Variants in PHGR1 observed in about 807,000 individuals in gnomAD.
PHGR1 encodes the protein proline, histidine and glycine-rich protein 1.
A neutral mutation model predicts 4.9 loss-of-function variants in PHGR1; 3 were observed. That is an observed-to-expected ratio of 0.61 (90% confidence interval 0.28 to 1.58). The LOEUF is 1.58. Ranked by LOEUF, PHGR1 falls within the 40% of genes most tolerant of loss-of-function variation. The pLI is 0.11. For missense variants in PHGR1, 81 were observed against 118.7 expected, an observed-to-expected ratio of 0.68 and a Z score of 1.48; for synonymous variants, 32 against 46.1, an observed-to-expected ratio of 0.69 and a Z score of 1.24.
At chr15:40,352,868 C>T (rs1177164706) in intron 1 of PHGR1, among the ~76,000 whole-genome samples, 4 of 152,134 alleles carry the variant, frequency 2.6e-5, no homozygotes, top group African/African-American at 4.8e-5. Context: ...AGCAAATGAA[C>T]GGATATTGAA....
In PHGR1 at chr15:40,353,198, T is replaced by G. The variant is rs1458805631; in HGVS notation, c.-26-34T>G. On this transcript the variant is annotated intron_variant, in intron 1 of 3. Transcript: ENST00000448599. Reference sequence around the variant, plus strand: ...GAGAAAGGAAAGACTGCAATTTAGATTACAGTAAATTAAAAGTTACCTTTT... The same window carrying G: ...GAGAAAGGAAAGACTGCAATTTAGAGTACAGTAAATTAAAAGTTACCTTTT... 3.2e-6 allele frequency: 5 copies of G among 1,544,400 alleles called. No individual in the cohort carries two copies. The Admixed American group carries it at 9.9e-5, about 30-fold the overall frequency.
Position 40,356,391 on chromosome 15 carries a change from T to C in PHGR1, c.*88T>C. 6.5e-7 allele frequency: 1 copy of C among 1,542,228 alleles called. No individual in the cohort carries two copies. Among genetic ancestry groups the C allele is most frequent in the South Asian group, 1.2e-5 (1 of 83,606 alleles). On this transcript the variant is annotated 3_prime_UTR_variant, in exon 4 of 4. Coordinates refer to ENST00000448599, the MANE Select transcript of PHGR1 (RefSeq NM_001145643.2). ...ATGAGGCCTAAACCACAATCTTCTC[T>C]TCCTAATAAACAGCCTCCTAGAGGC...
chr15:40,352,420 G>A (rs1296513856), intron 1 of PHGR1, among the ~76,000 whole-genome samples: 1 of 152,150 alleles, frequency 6.6e-6, no homozygotes, highest in Non-Finnish European at 1.5e-5. Flanking sequence ...TGTACTGTAT[G>A]TTCACTGGGC....
At position 40,356,348 on chromosome 15, in the gene PHGR1, T is replaced by C. The variant is rs1349052515; in HGVS notation, c.*45T>C. The C allele has an allele frequency of 2.2e-5, 34 of 1,549,242 alleles. No individual in the cohort carries two copies. Among genetic ancestry groups the C allele is most frequent in the African/African-American group, 5.5e-5 (4 of 72,882 alleles). On this transcript the variant is annotated 3_prime_UTR_variant, in exon 4 of 4. Transcript: ENST00000448599. ...ACACAAGATGGCAAGCCTGAGAGAA[T>C]TGCCCAGCTGACCTGGAATGAGGCC...
In PHGR1 at chr15:40,356,398, T is replaced by A. The variant is rs899305084; in HGVS notation, c.*95T>A. On this transcript the variant is annotated 3_prime_UTR_variant, in exon 4 of 4. Coordinates refer to ENST00000448599, the MANE Select transcript of PHGR1 (RefSeq NM_001145643.2). The stretch of plus-strand genomic sequence containing the variant: ...CTAAACCACAATCTTCTCTTCCTAA[T>A]AAACAGCCTCCTAGAGGCCACATTC... 3 of 1,535,752 alleles carry A rather than the reference T, an allele frequency of 2.0e-6. No homozygotes were observed. The highest frequency in any genetic ancestry group is 2.6e-6 in the Non-Finnish European group (3 of 1,134,430).
rs1040220220 is a variant in PHGR1, at chr15:40,356,240, A to G, written c.186A>G (p.Pro62=). ...GCGGGCCACCCCCCCACCATGGTCC[A>G]GGGCCCTGCGGGCCTCCCCCTGGCC... ...GPCGPPPHHG[P]GPCGPPPGHG... Residue 62 remains proline, a synonymous_variant, in exon 4 of 4, where the codon CCA becomes CCG. Transcript: ENST00000448599. 1 of 1,526,376 alleles carries G rather than the reference A, an allele frequency of 6.6e-7. No individual in the cohort carries two copies. Among genetic ancestry groups the G allele is most frequent in the Non-Finnish European group, 8.8e-7 (1 of 1,135,590 alleles). 94.6% of individuals were successfully genotyped at this position (1,526,376 alleles called of 1,614,324 possible).
At chr15:40,355,332 C>G (rs1310267278) in intron 3 of PHGR1, among the ~76,000 whole-genome samples, 1 of 152,112 alleles carries the variant, frequency 6.6e-6, no homozygotes, top group Non-Finnish European at 1.5e-5. Context: ...CTGGCATCCG[C>G]TCAGGAACAG....
rs1395278291 is a variant in PHGR1, at chr15:40,356,250, G to A, written c.196G>A (p.Gly66Arg). ...CCCCCACCATGGTCCAGGGCCCTGC[G>A]GGCCTCCCCCTGGCCATGGCCCAGG... ...PPPHHGPGPCGPPPGHGPGHP... is the reference protein window; with the variant it reads ...PPPHHGPGPCRPPPGHGPGHP... The change falls in exon 4 of 4, where the codon GGG becomes AGG. Residue 66 changes from glycine to arginine, a missense_variant. Gly to Arg is a moderately radical substitution (Grantham distance 125). Coordinates refer to ENST00000448599, the MANE Select transcript of PHGR1 (RefSeq NM_001145643.2). 3 of 1,545,756 alleles carry A rather than the reference G, an allele frequency of 1.9e-6. No homozygotes were observed. Among genetic ancestry groups the A allele is most frequent in the Admixed American group, 2.0e-5 (1 of 50,606 alleles).
intron 1 of PHGR1, among the ~76,000 whole-genome samples, chr15:40,352,743 T>G (rs1175638596): frequency 6.6e-6 from 1 of 152,224 alleles, no homozygotes; most frequent in Non-Finnish European, 1.5e-5. Context: ...CTGGGCACAC[T>G]GATAGCTCCA....
intron 1 of PHGR1, among the ~76,000 whole-genome samples, chr15:40,352,434 T>G (rs1228000996): frequency 6.6e-6 from 1 of 152,050 alleles, no homozygotes; most frequent in Non-Finnish European, 1.5e-5. Flanking sequence ...ACTGGGCCCA[T>G]TCTGGGGTTG....
At chr15:40,352,943 T>G (rs1169851173) in intron 1 of PHGR1, among the ~76,000 whole-genome samples, 1 of 152,160 alleles carries the variant, frequency 6.6e-6, no homozygotes, top group African/African-American at 2.4e-5. Context: ...TGTAAGAGTA[T>G]GGGGTGTAGG....
rs2141255789 is a variant in PHGR1, at chr15:40,356,063, C to T, written c.19-10C>T. On this transcript the variant is annotated splice_polypyrimidine_tract_variant and intron_variant, in intron 3 of 3. Transcript: ENST00000448599. ...TCTGACTCTGACATTGTTCATTTGA[C>T]TTTCCACAGGGGCACTGCCACTGTG... 2 of 1,549,618 alleles carry T rather than the reference C, an allele frequency of 1.3e-6. No individual in the cohort carries two copies. The highest frequency in any genetic ancestry group is 1.7e-4 in the Middle Eastern group (1 of 5,988).
chr15:40,353,402 T>A, intron 2 of PHGR1, 135 bp downstream of exon 2: 1 of 1,119,378 alleles, frequency 8.9e-7, no homozygotes, highest in Non-Finnish European at 1.3e-6. Context: ...ATGAAGGCAG[T>A]GGTAGGGGTC....
chr15:40,352,159 C>T (rs371656203), intron 1 of PHGR1, among the ~76,000 whole-genome samples: 12 of 152,056 alleles, frequency 7.9e-5, no homozygotes, highest in African/African-American at 1.9e-4. Flanking sequence ...GCTGTGATCA[C>T]GCCACTGCAC....
chr15:40,352,570 C>G (rs1290207362), intron 1 of PHGR1, among the ~76,000 whole-genome samples: 3 of 152,142 alleles, frequency 2.0e-5, no homozygotes, highest in African/African-American at 7.2e-5. Flanking sequence ...TCCAAGCTCC[C>G]ACCCCCTTCC....
rs201751978 is a variant in PHGR1, at chr15:40,356,385, C to T, written c.*82C>T. 1.9e-6 allele frequency: 3 copies of T among 1,545,000 alleles called. No homozygotes were observed. The highest frequency in any genetic ancestry group is 4.9e-5 in the East Asian group (2 of 40,872). Reference sequence around the variant, plus strand: ...CCTGGAATGAGGCCTAAACCACAATCTTCTCTTCCTAATAAACAGCCTCCT... The same window carrying T: ...CCTGGAATGAGGCCTAAACCACAATTTTCTCTTCCTAATAAACAGCCTCCT... On this transcript the variant is annotated 3_prime_UTR_variant, in exon 4 of 4. Coordinates refer to ENST00000448599, the MANE Select transcript of PHGR1 (RefSeq NM_001145643.2).
intron 3 of PHGR1, among the ~76,000 whole-genome samples, chr15:40,355,024 CAGA>C (rs1889268565): frequency 6.6e-6 from 1 of 152,162 alleles, no homozygotes; most frequent in Non-Finnish European, 1.5e-5. Flanking sequence ...CCCTAGGAGG[CAGA>C]AGGAGACTGG....
At chr15:40,353,160 C>CA in intron 1 of PHGR1, 72 bp from the exon 2 acceptor site, 11 of 1,373,546 alleles carry the variant, frequency 8.0e-6, no homozygotes, top group South Asian at 1.2e-5. Context: ...CGCGCGCGCG[C>CA]ATCCGTGGGA....
In PHGR1 at chr15:40,355,194, C is replaced by T. The variant is rs565706189; in HGVS notation, c.18+842C>T. Among the ~76,000 whole-genome samples the T allele has an allele frequency of 4.6e-5, 7 of 152,224 alleles. No individual in the cohort carries two copies. The East Asian group carries it at 1.3e-3, about 29-fold the overall frequency. ...AAAACAAAAAAAAAACAAAAAACTCCCCTGGCCTTGGGACTTCAGGAATGA... is the reference window on the plus strand; with the variant it reads ...AAAACAAAAAAAAAACAAAAAACTCTCCTGGCCTTGGGACTTCAGGAATGA... On this transcript the variant is annotated intron_variant, in intron 3 of 3. Coordinates refer to ENST00000448599, the MANE Select transcript of PHGR1 (RefSeq NM_001145643.2).
Sources: allele counts gnomAD v4.1 joint callset (sites outside exome capture counted in the v4.1 genomes callset), GRCh38; gene constraint gnomAD v4.1.1; transcripts MANE v1.5; gene names NCBI Gene and HGNC (gene_info 2026-07-23, HGNC 2026-07-21).